Variants in SNX29 observed in about 807,000 individuals in gnomAD.
The protein encoded by SNX29 is sorting nexin-29.
In SNX29, 78 loss-of-function variants were observed where a neutral mutation model predicts 102.1. The observed-to-expected ratio is 0.76, with a 90% CI of 0.64 to 0.92. SNX29 has a LOEUF of 0.92. Among genes scored for constraint, SNX29 ranks in the 40% least tolerant of loss-of-function variants. The pLI is 0.00. For missense variants in SNX29, 1,280 were observed against 1,061.7 expected (o/e 1.21, Z -2.86); for synonymous variants, 580 against 414.5 (o/e 1.40, Z -4.85).
At chr16:12,558,607 C>G (rs12928486) in intron 20 of SNX29, among the ~76,000 whole-genome samples, 1 of 152,116 alleles carries the variant, frequency 6.6e-6, no homozygotes, top group East Asian at 1.9e-4. Flanking sequence ...GCCACAGCTG[C>G]TCACACAGTG....
chr16:12,564,312 A>C lies in SNX29; in HGVS notation c.2319-4194A>C, dbSNP rs142016154. Reference sequence around the variant, plus strand: ...CCTATGAAGTTGCTGGCTAGACTTCACTAGTGTCTCTTACCTTATTTCAGT... The same window carrying C: ...CCTATGAAGTTGCTGGCTAGACTTCCCTAGTGTCTCTTACCTTATTTCAGT... On this transcript the variant is annotated intron_variant, in intron 20 of 20. Transcript: ENST00000566228. Among the ~76,000 whole-genome samples the C allele has an allele frequency of 5.3e-3, 800 of 152,340 alleles. 6 individuals are homozygous for C. The highest frequency in any genetic ancestry group is 8.3e-3 in the Non-Finnish European group (563 of 68,030).
chr16:12,095,245 A>C (rs1446617496), intron 11 of SNX29: 2 of 152,144 alleles, frequency 1.3e-5, no homozygotes, highest in African/African-American at 4.8e-5. Context: ...TTTAACAACA[A>C]AGTTTCTACT....
chr16:12,135,759 C>G (rs1363336359), intron 13 of SNX29: 2 of 489,094 alleles, frequency 4.1e-6, no homozygotes, highest in Admixed American at 3.3e-5. Context: ...TGGTTTTTCT[C>G]CATTATACTC....
At chr16:12,132,858 G>A (rs1006565139) in intron 13 of SNX29, among the ~76,000 whole-genome samples, 1 of 152,248 alleles carries the variant, frequency 6.6e-6, no homozygotes, top group Non-Finnish European at 1.5e-5. Flanking sequence ...AAACCGATCA[G>A]CTGGGTATGT....
intron 15 of SNX29, among the ~76,000 whole-genome samples, chr16:12,328,558 T>C (rs773255409): frequency 3.9e-5 from 6 of 152,166 alleles, no homozygotes; most frequent in Non-Finnish European, 8.8e-5. Context: ...GATACCTGTG[T>C]GCCCAGATTC....
At chr16:12,558,428 T>TA (rs1439075988) in intron 20 of SNX29, among the ~76,000 whole-genome samples, 4 of 152,218 alleles carry the variant, frequency 2.6e-5, no homozygotes, top group Non-Finnish European at 5.9e-5. Context: ...AGCTGACATC[T>TA]AGAAAGCATT....
chr16:12,026,769 T>C lies in SNX29; in HGVS notation c.123-551T>C, dbSNP rs193123158. On this transcript the variant is annotated intron_variant, in intron 3 of 20. Coordinates refer to ENST00000566228, the MANE Select transcript of SNX29 (RefSeq NM_032167.5). ...AGCATGTAATCTCATATAATCTCTT[T>C]AGAGCATGTAATCTCTTATATAAAG... 2.6e-5 allele frequency among the ~76,000 whole-genome samples: 4 copies of C among 152,348 alleles called. No homozygotes were observed. The East Asian group carries it at 5.8e-4, about 22-fold the overall frequency.
chr16:12,348,129 C>T (rs754569049), intron 15 of SNX29, among the ~76,000 whole-genome samples: 1 of 152,102 alleles, frequency 6.6e-6, no homozygotes, highest in Admixed American at 6.5e-5. Context: ...ACGTGTGATT[C>T]TTTACACAAG....
intron 20 of SNX29, among the ~76,000 whole-genome samples, chr16:12,541,860 G>A (rs112280081): frequency 1.3e-5 from 2 of 152,094 alleles, no homozygotes; most frequent in Non-Finnish European, 2.9e-5. Flanking sequence ...CACATGCCTG[G>A]AAACCAGTCA....
chr16:12,246,403 G>A (rs1354327129), intron 14 of SNX29, among the ~76,000 whole-genome samples: 1 of 152,084 alleles, frequency 6.6e-6, no homozygotes, highest in Non-Finnish European at 1.5e-5. Context: ...CACTTTGGGA[G>A]GCTGGGGCAG....
At chr16:12,117,187 TGCTTCAACGC>T in intron 11 of SNX29, among the ~76,000 whole-genome samples, 5 of 145,586 alleles carry the variant, frequency 3.4e-5, no homozygotes, top group African/African-American at 1.3e-4. Flanking sequence ...GGTCAATACG[TGCTTCAACGC>T]GGATGAACCG....
intron 15 of SNX29, among the ~76,000 whole-genome samples, chr16:12,327,972 C>T (rs1052071906): frequency 6.6e-6 from 1 of 152,170 alleles, no homozygotes; most frequent in African/African-American, 2.4e-5. Flanking sequence ...CACCCGGAGA[C>T]CATATTCAGA....
At chr16:12,029,719 G>T in intron 4 of SNX29, 2 of 427,876 alleles carry the variant, frequency 4.7e-6, no homozygotes, top group East Asian at 1.4e-4. Flanking sequence ...AGCCACCTGA[G>T]TAGCTGGGAC....
chr16:12,558,429 A>G (rs1323430615), intron 20 of SNX29, among the ~76,000 whole-genome samples: 4 of 152,222 alleles, frequency 2.6e-5, no homozygotes, highest in Non-Finnish European at 5.9e-5. Context: ...GCTGACATCT[A>G]GAAAGCATTG....
intron 18 of SNX29, among the ~76,000 whole-genome samples, chr16:12,458,665 G>T (rs2086638435): frequency 6.6e-6 from 1 of 152,202 alleles, no homozygotes; most frequent in South Asian, 2.1e-4. Context: ...GAATTGTGTA[G>T]ATGAGTTAGA....
At chr16:12,128,452 C>CTT (rs35504724) in intron 12 of SNX29, among the ~76,000 whole-genome samples, 7,581 of 128,226 alleles carry the variant, frequency 0.059, 447 homozygotes, top group East Asian at 0.24. Context: ...TGATTATATT[C>CTT]TTTTTTTTTT....
chr16:12,543,289 G>A (rs1241728440), intron 20 of SNX29, among the ~76,000 whole-genome samples: 1 of 152,196 alleles, frequency 6.6e-6, no homozygotes, highest in Non-Finnish European at 1.5e-5. Context: ...CTGGGTCCGT[G>A]CCTGTGGCCC....
At chr16:12,356,421 T>G in intron 16 of SNX29, 142 bp downstream of exon 16, 1 of 657,468 alleles carries the variant, frequency 1.5e-6, no homozygotes, top group Non-Finnish European at 2.6e-6. Context: ...ATTTGCTTTT[T>G]ATTTTTTATG....
At chr16:12,115,072 C>G (rs913328250) in intron 11 of SNX29, among the ~76,000 whole-genome samples, 2 of 152,182 alleles carry the variant, frequency 1.3e-5, no homozygotes, top group Admixed American at 1.3e-4. Flanking sequence ...AAATAAGGGA[C>G]TCGCTGGTTC....
Sources: allele counts gnomAD v4.1 joint callset (sites outside exome capture counted in the v4.1 genomes callset), GRCh38; gene constraint gnomAD v4.1.1; transcripts MANE v1.5; gene names NCBI Gene and HGNC (gene_info 2026-07-23, HGNC 2026-07-21).